The following SEZ6L2 variants were observed in gnomAD, a reference collection of about 807,000 sequenced individuals.
The protein encoded by SEZ6L2 is seizure related 6 homolog like 2, also known as seizure 6-like protein 2.
A neutral mutation model predicts 97.0 loss-of-function variants in SEZ6L2; 44 were observed. The observed-to-expected ratio is 0.45, with a 90% CI of 0.36 to 0.58. The LOEUF is 0.58. Among genes scored for constraint, SEZ6L2 ranks in the 20% least tolerant of loss-of-function variants. The probability of loss-of-function intolerance (pLI) is 0.00; values close to 1 mark genes in which losing one functional copy is unlikely to be tolerated. For synonymous variants in SEZ6L2, 543 were observed against 546.1 expected, an observed-to-expected ratio of 0.99 and a Z score of 0.08; for missense variants, 1,086 against 1,233.3, an observed-to-expected ratio of 0.88 and a Z score of 1.79.
At chr16:29,896,122 T>G (rs1247296252) in intron 3 of SEZ6L2, among the ~76,000 whole-genome samples, 1 of 151,828 alleles carries the variant, frequency 6.6e-6, no homozygotes, top group Non-Finnish European at 1.5e-5. Flanking sequence ...ATCACCATGG[T>G]GAGACAATTT....
chr16:29,890,990 G>T (rs1375603674), intron 5 of SEZ6L2, among the ~76,000 whole-genome samples: 3 of 151,672 alleles, frequency 2.0e-5, no homozygotes, highest in African/African-American at 7.3e-5. Context: ...CACCCAGGCT[G>T]GAGTGCAGTG....
chr16:29,877,046 G>T, intron 11 of SEZ6L2, 96 bp from the exon 12 acceptor site: 1 of 1,215,482 alleles, frequency 8.2e-7, no homozygotes, highest in Non-Finnish European at 1.1e-6. Context: ...CCCGGGATCT[G>T]TCTCTCTCTC....
chr16:29,895,540 C>T, intron 4 of SEZ6L2, 80 bp from the exon 5 acceptor site: 1 of 1,522,906 alleles, frequency 6.6e-7, no homozygotes, highest in South Asian at 1.2e-5. Context: ...GTGCCTTTGC[C>T]CTGTGTGTAG....
Position 29,888,710 on chromosome 16 carries a change from C to T in SEZ6L2, c.869G>A (p.Cys290Tyr). Residue 290 changes from cysteine to tyrosine, a missense_variant, in exon 6 of 18, where the codon TGT becomes TAT. Around this residue, in one of 2 missense-constraint regions of SEZ6L2, gnomAD observed 776 missense variants for 794.7 expected, o/e 0.98. Coordinates refer to ENST00000617533, the MANE Select transcript of SEZ6L2 (RefSeq NM_001243332.2). ...ATGGGCCGGCCGGGGAGGGAAGCCA[C>T]AGCTCAGGAGGTAGGCTGCACCAGA... ...RIHYQAYLLS[C>Y]GFPPRPAHGD... 1.2e-6 allele frequency: 2 copies of T among 1,612,958 alleles called. No homozygotes were observed. Among genetic ancestry groups the T allele is most frequent in the Non-Finnish European group, 1.7e-6 (2 of 1,179,668 alleles).
chr16:29,879,914 C>T lies in SEZ6L2; in HGVS notation c.1523G>A (p.Cys508Tyr), dbSNP rs758825162. 4 of 1,613,726 alleles carry T rather than the reference C, an allele frequency of 2.5e-6. No individual in the cohort carries two copies. The highest frequency in any genetic ancestry group is 2.2e-5 in the East Asian group (1 of 44,866). ...EPPGPPNAIE[C>Y]VDPTEPHWND... ...CCAGTGGGGTTCTGTGGGATCCACA[C>T]ATTCGATGGCATTGGGGGGCCCAGG... The change falls in exon 9 of 18, where the codon TGT becomes TAT. Residue 508 changes from cysteine (C) to tyrosine (Y), a missense_variant. This residue lies in a region of SEZ6L2 where 776 missense variants were observed against 794.7 expected (regional missense o/e 0.98). Transcript: ENST00000617533.
chr16:29,880,187 C>T, intron 8 of SEZ6L2, 123 bp from the exon 9 acceptor site: 1 of 839,882 alleles, frequency 1.2e-6, no homozygotes, highest in South Asian at 1.9e-5. Flanking sequence ...TTTTTTTAAA[C>T]AGTCTTGTGC....
intron 15 of SEZ6L2, 70 bp from the exon 16 acceptor site, chr16:29,872,596 G>A: frequency 1.9e-6 from 3 of 1,598,810 alleles, no homozygotes; most frequent in Non-Finnish European, 1.7e-6. Context: ...CTCCTGCCCT[G>A]GGCCTCAAAC....
In SEZ6L2 at chr16:29,897,114, A is replaced by C. The variant is rs2068419060; in HGVS notation, c.219T>G (p.Asp73Glu). ...GAGGGGTGGCTAGCGTGGGGTCCCG[A>C]TCAGATCCTGGGACAGTGCAGGGAA... is the stretch of plus-strand genomic sequence containing the variant. ...GPEMGYLPGS[D>E]RDPTLATPPA... is the part of the protein sequence containing the mutation. The change falls in exon 3 of 18, where the codon GAT (aspartate) becomes GAG (glutamate). Residue 73 changes from aspartate to glutamate, a missense_variant. Physicochemically the swap from Asp to Glu is conservative, Grantham distance 45. Coordinates refer to ENST00000617533, the MANE Select transcript of SEZ6L2 (RefSeq NM_001243332.2). The C allele has an allele frequency of 6.4e-7, 1 of 1,564,760 alleles. No homozygotes were observed. Among genetic ancestry groups the C allele is most frequent in the Non-Finnish European group, 8.6e-7 (1 of 1,161,340 alleles).
In SEZ6L2 at chr16:29,896,989, G is replaced by A. The variant is rs776433651; in HGVS notation, c.344C>T (p.Ala115Val). ...TAVTPNGVRG[A>V]GPTAPELLTP... is the part of the protein sequence containing the mutation. ...CAGCAGTTCTGGCGCAGTGGGGCCT[G>A]CCCCCCTGACCCCGTTAGGGGTGAC... is the stretch of plus-strand genomic sequence containing the variant. Residue 115 changes from alanine (A) to valine (V), a missense_variant, in exon 3 of 18, where the codon GCA becomes GTA. Ala to Val is a moderately conservative substitution (Grantham distance 64, BLOSUM62 0). This residue lies in a region of SEZ6L2 where 776 missense variants were observed against 794.7 expected (regional missense o/e 0.98). Coordinates refer to ENST00000617533, the MANE Select transcript of SEZ6L2 (RefSeq NM_001243332.2). The A allele has an allele frequency of 5.2e-5, 82 of 1,589,652 alleles. No individual in the cohort carries two copies. In the South Asian group the frequency reaches 8.6e-4, roughly 17 times the overall value.
intron 8 of SEZ6L2, among the ~76,000 whole-genome samples, chr16:29,881,159 A>G (rs1041805051): frequency 7.9e-5 from 12 of 152,152 alleles, no homozygotes; most frequent in Admixed American, 7.2e-4. Context: ...CCTCATTCAC[A>G]TATTTATATT....
chr16:29,891,513 C>G (rs993302121), intron 5 of SEZ6L2, among the ~76,000 whole-genome samples: 2 of 152,070 alleles, frequency 1.3e-5, no homozygotes, highest in Admixed American at 1.3e-4. Context: ...TGGTGGCACA[C>G]GCCTATAATC....
Position 29,877,383 on chromosome 16 carries a change from A to C in SEZ6L2, c.1797T>G (p.Pro599=). The change falls in exon 11 of 18, where the codon CCT becomes CCG. Residue 599 remains proline, a synonymous_variant. Transcript: ENST00000617533. ...AGGAGAGAAGGCGGCGGCGCGGCTG[A>C]GGTCCCCGCAGCTGGGCCAAGACTC... ...SARVLAQLRG[P]QPRRRLLSSG... is the part of the protein sequence containing the mutation. 6.2e-7 allele frequency: 1 copy of C among 1,613,362 alleles called. No homozygotes were observed. The highest frequency in any genetic ancestry group is 1.1e-5 in the South Asian group (1 of 91,034).
chr16:29,885,785 TC>T, intron 7 of SEZ6L2, 36 bp from the exon 8 acceptor site: 2 of 1,579,798 alleles, frequency 1.3e-6, no homozygotes, highest in Non-Finnish European at 1.7e-6. Flanking sequence ...GAGCTCAATC[TC>T]CCTCACAAGC....
rs1397180376 is a variant in SEZ6L2, at chr16:29,871,676, T to C, written c.*23A>G. The stretch of plus-strand genomic sequence containing the variant: ...ATGAGGAGGGGAGGGGCGTCCTGGG[T>C]CCTGCAGCTGTAGTCTTGGGGTTCA... On this transcript the variant is annotated 3_prime_UTR_variant, in exon 18 of 18. Transcript: ENST00000617533. 2 of 1,605,474 alleles carry C rather than the reference T, an allele frequency of 1.2e-6. No individual in the cohort carries two copies. The highest frequency in any genetic ancestry group is 1.7e-6 in the Non-Finnish European group (2 of 1,175,960).
intron 8 of SEZ6L2, among the ~76,000 whole-genome samples, chr16:29,883,231 A>G (rs549998402): frequency 2.0e-5 from 3 of 152,228 alleles, no homozygotes; most frequent in Non-Finnish European, 2.9e-5. Flanking sequence ...TTCAGCCACA[A>G]TGAAATTCTG....
chr16:29,888,477 G>C, intron 6 of SEZ6L2, 63 bp downstream of exon 6: 3 of 1,554,490 alleles, frequency 1.9e-6, no homozygotes, highest in Non-Finnish European at 2.6e-6. Flanking sequence ...ACACCCCCGA[G>C]ATAGGACCCT....
At position 29,878,325 on chromosome 16, in the gene SEZ6L2, G is replaced by T; in HGVS notation, c.1674C>A (p.His558Gln). ...SPGQDCVWGV[H>Q]VQEEKRILLQ... Reference sequence around the variant, plus strand: ...GCAAGATGCGCTTCTCTTCCTGGACGTGCACGCCCCACACGCAGTCTTGGC... The same window carrying T: ...GCAAGATGCGCTTCTCTTCCTGGACTTGCACGCCCCACACGCAGTCTTGGC... Residue 558 changes from histidine to glutamine, a missense_variant, in exon 10 of 18, where the codon CAC becomes CAA. Physicochemically the swap from His to Gln is conservative, Grantham distance 24. Transcript: ENST00000617533. 1 of 1,598,520 alleles carries T rather than the reference G, an allele frequency of 6.3e-7. No homozygotes were observed. The highest frequency in any genetic ancestry group is 8.5e-7 in the Non-Finnish European group (1 of 1,171,792).
In SEZ6L2 at chr16:29,879,942, G is replaced by A; in HGVS notation, c.1495C>T (p.Pro499Ser). Residue 499 changes from proline to serine, a missense_variant, in exon 9 of 18, where the codon CCC (proline) becomes TCC (serine). This residue lies in a region of SEZ6L2 where 776 missense variants were observed against 794.7 expected (regional missense o/e 0.98). Transcript: ENST00000617533. ...FSCLPGYALE[P>S]PGPPNAIECV... ...TCGATGGCATTGGGGGGCCCAGGGGGCTCCAGGGCATATCCTGGGAGGCAC... is the reference window on the plus strand; with the variant it reads ...TCGATGGCATTGGGGGGCCCAGGGGACTCCAGGGCATATCCTGGGAGGCAC... 6.2e-7 allele frequency: 1 copy of A among 1,614,082 alleles called. No individual in the cohort carries two copies. Among genetic ancestry groups the A allele is most frequent in the Non-Finnish European group, 8.5e-7 (1 of 1,179,944 alleles).
chr16:29,897,826 C>A, intron 2 of SEZ6L2, 27 bp downstream of exon 2: 1 of 1,584,404 alleles, frequency 6.3e-7, no homozygotes, highest in South Asian at 1.1e-5. Flanking sequence ...TGCCTCTAGG[C>A]CACTCCTGCC....
Sources: allele counts gnomAD v4.1 joint callset (sites outside exome capture counted in the v4.1 genomes callset), GRCh38; gene constraint gnomAD v4.1.1; regional missense constraint gnomAD v4.1.1; transcripts MANE v1.5; gene names NCBI Gene and HGNC (gene_info 2026-07-23, HGNC 2026-07-21).